The following HMCN1 variants were observed in gnomAD, a reference collection of about 807,000 sequenced individuals.
HMCN1 encodes hemicentin-1.
HMCN1 carries 321 observed loss-of-function variants against 625.9 expected under a neutral mutation model. That is an observed-to-expected ratio of 0.51 (90% CI 0.47 to 0.56). HMCN1 has a LOEUF of 0.56. Among genes scored for constraint, HMCN1 ranks in the 20% least tolerant of loss-of-function variants. The pLI, the probability that HMCN1 is intolerant of heterozygous loss-of-function variation, is 0.00. For missense variants in HMCN1, 6,588 were observed against 6,887.3 expected (o/e 0.96, Z 1.54); for synonymous variants, 2,425 against 2,417.6 (o/e 1.00, Z -0.09).
intron 77 of HMCN1, among the ~76,000 whole-genome samples, chr1:186,117,985 C>G (rs905787724): frequency 6.6e-6 from 1 of 151,992 alleles, no homozygotes; most frequent in Non-Finnish European, 1.5e-5. Context: ...CTTCATTTAT[C>G]GAACATTTAG....
chr1:186,113,451 G>T (rs1255492179), intron 72 of HMCN1, among the ~76,000 whole-genome samples: 2 of 152,072 alleles, frequency 1.3e-5, no homozygotes, highest in Non-Finnish European at 2.9e-5. Flanking sequence ...CAGAATATTG[G>T]GTGACCCAAA....
intron 1 of HMCN1, among the ~76,000 whole-genome samples, chr1:185,806,893 C>T (rs1659205884): frequency 6.6e-6 from 1 of 152,072 alleles, no homozygotes; most frequent in African/African-American, 2.4e-5. Context: ...TTATGAAAGG[C>T]TTTCCATCCT....
chr1:185,997,345 T>C, intron 24 of HMCN1, 84 bp from the exon 25 acceptor site: 1 of 815,994 alleles, frequency 1.2e-6, no homozygotes, highest in East Asian at 2.5e-5. Flanking sequence ...TAGCAACTCA[T>C]CAGTGCAGGT....
intron 4 of HMCN1, among the ~76,000 whole-genome samples, chr1:185,880,628 G>A (rs1209685317): frequency 6.6e-6 from 1 of 152,158 alleles, no homozygotes; most frequent in East Asian, 1.9e-4. Context: ...AACTCCACAA[G>A]AGAAAGACCT....
intron 6 of HMCN1, among the ~76,000 whole-genome samples, chr1:185,920,367 C>T (rs1345986728): frequency 6.6e-6 from 1 of 152,118 alleles, no homozygotes. Context: ...TTTACAAACA[C>T]TTAAATTCAT....
intron 1 of HMCN1, among the ~76,000 whole-genome samples, chr1:185,746,897 G>A (rs1317201137): frequency 2.0e-5 from 3 of 151,976 alleles, no homozygotes; most frequent in Non-Finnish European, 2.9e-5. Flanking sequence ...GTGAGCCACC[G>A]CAACCAGCCA....
intron 48 of HMCN1, among the ~76,000 whole-genome samples, chr1:186,063,096 A>ATATATATATATATATATGTATATG (rs1185102259): frequency 1.7e-5 from 2 of 115,404 alleles, no homozygotes; most frequent in African/African-American, 7.6e-5. Flanking sequence ...ATATATATAT[A>ATATATATATATATATATGTATATG]TATATATCAC....
intron 1 of HMCN1, among the ~76,000 whole-genome samples, chr1:185,779,730 T>C (rs1215009315): frequency 6.6e-6 from 1 of 152,262 alleles, no homozygotes; most frequent in African/African-American, 2.4e-5. Flanking sequence ...ACCAGTACCA[T>C]GCTGTTTTGG....
In HMCN1 at chr1:186,151,742, T is replaced by A; in HGVS notation, c.14895T>A (p.Thr4965=). The A allele has an allele frequency of 6.2e-7, 1 of 1,613,542 alleles. No homozygotes were observed. The highest frequency in any genetic ancestry group is 8.5e-7 in the Non-Finnish European group (1 of 1,179,586). ...GAGAAACTCAAGTGGAATTTGCAAC[T>A]GGTTAGTGTCAGCTGAATTTAATAT... The part of the protein sequence containing the change: ...FKRETQVEFA[T]GEILQMSHIA... Residue 4965 remains threonine (T), a splice_region_variant and synonymous_variant, in exon 95 of 107, where the codon ACT becomes ACA. Transcript: ENST00000271588.
intron 1 of HMCN1, among the ~76,000 whole-genome samples, chr1:185,750,631 C>T (rs1166163769): frequency 2.0e-5 from 3 of 152,028 alleles, no homozygotes; most frequent in African/African-American, 4.8e-5. Flanking sequence ...AATACTGTTC[C>T]ATATCTGATT....
chr1:185,971,375 A>G (rs1254129767), intron 15 of HMCN1, among the ~76,000 whole-genome samples: 1 of 152,242 alleles, frequency 6.6e-6, no homozygotes, highest in Non-Finnish European at 1.5e-5. Context: ...AGGTTACTCA[A>G]GAAGTTTGGT....
At chr1:186,090,688 T>A in intron 63 of HMCN1, 70 bp from the exon 64 acceptor site, 1 of 1,537,690 alleles carries the variant, frequency 6.5e-7, no homozygotes, top group East Asian at 2.3e-5. Context: ...TCATATTGTT[T>A]TATGACTCTG....
intron 41 of HMCN1, among the ~76,000 whole-genome samples, chr1:186,048,191 G>A (rs1656701333): frequency 6.6e-6 from 1 of 152,046 alleles, no homozygotes; most frequent in Non-Finnish European, 1.5e-5. Context: ...GATGGTCAAT[G>A]GATGAATCAG....
chr1:186,070,854 T>C, intron 52 of HMCN1, 97 bp downstream of exon 52: 1 of 1,249,624 alleles, frequency 8.0e-7, no homozygotes, highest in East Asian at 2.4e-5. Context: ...ACTCAGAGAA[T>C]CAATGTGATC....
intron 46 of HMCN1, among the ~76,000 whole-genome samples, chr1:186,060,882 A>C (rs1657643305): frequency 6.6e-6 from 1 of 152,090 alleles, no homozygotes; most frequent in African/African-American, 2.4e-5. Context: ...CTCTTTTCCT[A>C]ACCATCTGAT....
rs777752487 is a variant in HMCN1, at chr1:186,041,060, C to T, written c.6228C>T (p.Ser2076=). The T allele has an allele frequency of 1.9e-5, 30 of 1,612,544 alleles. No individual in the cohort carries two copies. Among genetic ancestry groups the T allele is most frequent in the South Asian group, 3.3e-5 (3 of 91,042 alleles). Residue 2076 remains serine, a synonymous_variant, in exon 40 of 107, where the codon AGC becomes AGT. Coordinates refer to ENST00000271588, the MANE Select transcript of HMCN1 (RefSeq NM_031935.3). ...RILALTSAQI[S]DTGRYTCVAV... Reference sequence around the variant, plus strand: ...TAGCATTGACCAGTGCACAAATCAGCGACACAGGAAGGTACACCTGCGTGG... The same window carrying T: ...TAGCATTGACCAGTGCACAAATCAGTGACACAGGAAGGTACACCTGCGTGG...
chr1:185,902,948 A>G (rs953483466), intron 4 of HMCN1, among the ~76,000 whole-genome samples: 1 of 151,110 alleles, frequency 6.6e-6, no homozygotes, highest in Admixed American at 6.6e-5. Context: ...TAGAAGAAGA[A>G]AAAAAAAACA....
In HMCN1 at chr1:185,942,899, C is replaced by A. The variant is rs146549021; in HGVS notation, c.1828+9075C>A. Among the ~76,000 whole-genome samples, 75 of 152,084 alleles carry A rather than the reference C, an allele frequency of 4.9e-4. No homozygotes were observed. The East Asian group carries it at 0.011, about 23-fold the overall frequency. ...TAATTTGCTAGAATGGCTGACAGAACTCAAGAGGCATTTTATTTACTTTTT... is the reference window on the plus strand; with the variant it reads ...TAATTTGCTAGAATGGCTGACAGAAATCAAGAGGCATTTTATTTACTTTTT... On this transcript the variant is annotated intron_variant, in intron 11 of 106. Coordinates refer to ENST00000271588, the MANE Select transcript of HMCN1 (RefSeq NM_031935.3).
chr1:185,832,291 C>T (rs1416359438), intron 1 of HMCN1, among the ~76,000 whole-genome samples: 2 of 150,818 alleles, frequency 1.3e-5, no homozygotes, highest in Non-Finnish European at 2.9e-5. Flanking sequence ...GAAACTCTCT[C>T]AAAAAAACAA....
Sources: gnomAD v4.1 joint callset for allele counts (sites outside exome capture counted in the v4.1 genomes callset) on GRCh38, gnomAD v4.1.1 for gene constraint, MANE v1.5 for transcripts, NCBI Gene and HGNC (gene_info 2026-07-23, HGNC 2026-07-21) for gene names.